The following MYO3B variants were observed in gnomAD, a reference collection of about 807,000 sequenced individuals.
MYO3B encodes the protein myosin-IIIb.
Under a neutral mutation model 174.6 loss-of-function variants are expected in MYO3B, and 156 were observed. The observed-to-expected ratio is 0.89, with a 90% CI of 0.78 to 1.02. The LOEUF is 1.02. MYO3B is among the 50% of genes least tolerant of loss of function. The probability of loss-of-function intolerance (pLI) is 0.00; values close to 1 mark genes in which losing one functional copy is unlikely to be tolerated. For synonymous variants in MYO3B, 563 were observed against 569.1 expected, an observed-to-expected ratio of 0.99 and a Z score of 0.15; for missense variants, 1,632 against 1,639.4, an observed-to-expected ratio of 1.00 and a Z score of 0.08.
chr2:170,541,595 T>A (rs1310856266), intron 30 of MYO3B, among the ~76,000 whole-genome samples: 1 of 152,236 alleles, frequency 6.6e-6, no homozygotes, highest in Non-Finnish European at 1.5e-5. Flanking sequence ...AAGTAGTATA[T>A]AAATGATAGT....
At chr2:170,214,924 A>G in intron 5 of MYO3B, 96 bp downstream of exon 5, 1 of 917,598 alleles carries the variant, frequency 1.1e-6, no homozygotes, top group Non-Finnish European at 1.7e-6. Context: ...TCTCTGCTAC[A>G]CCATAGGCTG....
chr2:170,374,758 T>TACACACACACATACAC (rs1166309527), intron 9 of MYO3B, among the ~76,000 whole-genome samples: 6 of 140,064 alleles, frequency 4.3e-5, no homozygotes, highest in African/African-American at 1.7e-4. Context: ...TATGCATACA[T>TACACACACACATACAC]ACACACACAC....
At chr2:170,601,714 T>C (rs1195892180) in intron 32 of MYO3B, 15 of 1,542,950 alleles carry the variant, frequency 9.7e-6, no homozygotes, top group Non-Finnish European at 1.3e-5. Context: ...AACTCCCTTT[T>C]TTGCTGCATC....
chr2:170,400,188 G>C lies in MYO3B; in HGVS notation c.1792G>C (p.Glu598Gln), dbSNP rs757938737. 2 of 1,613,918 alleles carry C rather than the reference G, an allele frequency of 1.2e-6. No homozygotes were observed. Among genetic ancestry groups the C allele is most frequent in the Non-Finnish European group, 1.7e-6 (2 of 1,179,944 alleles). ...CFRIIGFTDK[E>Q]VHSVYRILAG... ...ATATGGTTCTTGATGTCCTTTTCAG[G>C]AGGTGCACTCAGTGTACAGAATTTT... The change falls in exon 17 of 35, where the codon GAG becomes CAG. Residue 598 changes from glutamate to glutamine, a missense_variant and splice_region_variant. Glu to Gln is a conservative substitution (Grantham distance 29, BLOSUM62 2). Coordinates refer to ENST00000408978, the MANE Select transcript of MYO3B (RefSeq NM_138995.5).
At chr2:170,593,209 C>T (rs546456634) in intron 32 of MYO3B, among the ~76,000 whole-genome samples, 5 of 152,272 alleles carry the variant, frequency 3.3e-5, no homozygotes, top group African/African-American at 1.2e-4. Flanking sequence ...GCGATCCCCC[C>T]ACCTCAGCAT....
chr2:170,305,749 T>C (rs1359564318), intron 7 of MYO3B, among the ~76,000 whole-genome samples: 4 of 152,026 alleles, frequency 2.6e-5, no homozygotes, highest in Non-Finnish European at 5.9e-5. Context: ...AAATAATAAA[T>C]AAATTTTTAT....
At chr2:170,514,893 G>C in intron 28 of MYO3B, 28 bp from the exon 29 acceptor site, 1 of 1,602,540 alleles carries the variant, frequency 6.2e-7, no homozygotes. Flanking sequence ...GCATAACCTT[G>C]AGAAAGTCTT....
rs376254005 is a variant in MYO3B, at chr2:170,485,616, C to T, written c.3015-12976C>T. 2.7e-4 allele frequency among the ~76,000 whole-genome samples: 41 copies of T among 152,234 alleles called. No individual in the cohort carries two copies. The South Asian group carries it at 7.9e-3, about 29-fold the overall frequency. On this transcript the variant is annotated intron_variant, in intron 25 of 34. Coordinates refer to ENST00000408978, the MANE Select transcript of MYO3B (RefSeq NM_138995.5). ...TTGACATTCATGATATTTATTTAGC[C>T]GTTCCTCTACTGGTGGATACTAAGA...
At chr2:170,408,311 C>A (rs1385406227) in intron 22 of MYO3B, among the ~76,000 whole-genome samples, 1 of 152,164 alleles carries the variant, frequency 6.6e-6, no homozygotes, top group Non-Finnish European at 1.5e-5. Flanking sequence ...AGTTATGACC[C>A]CACCCTACCT....
At chr2:170,202,609 G>T (rs2092674187) in intron 3 of MYO3B, among the ~76,000 whole-genome samples, 1 of 152,188 alleles carries the variant, frequency 6.6e-6, no homozygotes, top group Non-Finnish European at 1.5e-5. Context: ...ACCATGTGCA[G>T]CTGCTCCTCT....
intron 27 of MYO3B, among the ~76,000 whole-genome samples, chr2:170,500,721 C>T (rs1687209248): frequency 6.6e-6 from 1 of 152,142 alleles, no homozygotes; most frequent in South Asian, 2.1e-4. Context: ...CCGCATCTCC[C>T]AGAATGACTG....
chr2:170,526,988 A>G (rs539105743), intron 30 of MYO3B, among the ~76,000 whole-genome samples: 1 of 152,200 alleles, frequency 6.6e-6, no homozygotes, highest in Non-Finnish European at 1.5e-5. Flanking sequence ...GGTTTTCAAC[A>G]TGTCTTTTGT....
At chr2:170,556,925 C>T (rs554781291) in intron 32 of MYO3B, among the ~76,000 whole-genome samples, 1 of 152,332 alleles carries the variant, frequency 6.6e-6, no homozygotes, top group Admixed American at 6.5e-5. Context: ...ATTTCTTTCA[C>T]ATGCTTATTT....
chr2:170,618,700 G>A (rs575809173), intron 32 of MYO3B, among the ~76,000 whole-genome samples: 159 of 152,194 alleles, frequency 1.0e-3, no homozygotes, highest in Non-Finnish European at 3.8e-4. Context: ...ATATACCAGC[G>A]TTTATTATTA....
At chr2:170,475,364 C>T (rs190651688) in intron 25 of MYO3B, among the ~76,000 whole-genome samples, 1 of 152,254 alleles carries the variant, frequency 6.6e-6, no homozygotes, top group African/African-American at 2.4e-5. Context: ...AATTCTCCTG[C>T]CTCAGCCTAC....
chr2:170,633,893 G>A (rs375247515), intron 32 of MYO3B, among the ~76,000 whole-genome samples: 6 of 152,040 alleles, frequency 3.9e-5, no homozygotes, highest in Admixed American at 6.6e-5. Context: ...AAAATACCTC[G>A]GAATGCAACT....
intron 25 of MYO3B, among the ~76,000 whole-genome samples, chr2:170,483,548 G>A (rs1575054122): frequency 6.9e-6 from 1 of 144,600 alleles, no homozygotes; most frequent in Non-Finnish European, 1.5e-5. Flanking sequence ...TACCACGCCC[G>A]GCTAATTTTT....
intron 22 of MYO3B, among the ~76,000 whole-genome samples, chr2:170,442,191 A>C (rs144659056): frequency 6.6e-6 from 1 of 151,998 alleles, no homozygotes; most frequent in Non-Finnish European, 1.5e-5. Context: ...TTTATAATAA[A>C]TTTTCCACCT....
chr2:170,634,184 A>T (rs1178682435), intron 32 of MYO3B, among the ~76,000 whole-genome samples: 4 of 152,236 alleles, frequency 2.6e-5, no homozygotes, highest in Non-Finnish European at 5.9e-5. Flanking sequence ...AAAAAAACAA[A>T]GCTGGAAGAA....
Sources: allele counts gnomAD v4.1 joint callset (sites outside exome capture counted in the v4.1 genomes callset), GRCh38; gene constraint gnomAD v4.1.1; transcripts MANE v1.5; gene names NCBI Gene and HGNC (gene_info 2026-07-23, HGNC 2026-07-21).